The following KLF13 variants were observed in gnomAD, a reference collection of about 807,000 sequenced individuals.
KLF13 encodes KLF transcription factor 13.
KLF13 carries 8 observed loss-of-function variants against 16.7 expected under a neutral mutation model. That is an observed-to-expected ratio of 0.48 (90% CI 0.28 to 0.87). The LOEUF is 0.87. Among genes scored for constraint, KLF13 ranks in the 40% least tolerant of loss-of-function variants. The probability of loss-of-function intolerance (pLI) is 0.10; values close to 1 mark genes in which losing one functional copy is unlikely to be tolerated. For synonymous variants in KLF13, 245 were observed against 208.4 expected (o/e 1.18, Z -1.51); for missense variants, 447 against 452.2 (o/e 0.99, Z 0.10).
chr15:31,360,281 C>T (rs1293189413), intron 1 of KLF13, among the ~76,000 whole-genome samples: 1 of 152,222 alleles, frequency 6.6e-6, no homozygotes, highest in Non-Finnish European at 1.5e-5. Flanking sequence ...GCGGGCAGGC[C>T]TGTGCCGGGA....
intron 1 of KLF13, among the ~76,000 whole-genome samples, chr15:31,357,232 G>A (rs965933841): frequency 2.0e-5 from 3 of 152,130 alleles, no homozygotes; most frequent in Non-Finnish European, 2.9e-5. Context: ...TCTTGTTTCC[G>A]CCAGGCCGTC....
intron 2 of KLF13, among the ~76,000 whole-genome samples, chr15:31,396,110 C>CAT (rs2039949034): frequency 6.6e-6 from 1 of 152,184 alleles, no homozygotes; most frequent in Non-Finnish European, 1.5e-5. Context: ...AATGCAACCT[C>CAT]CGTCTCCTGG....
chr15:31,339,794 T>C (rs2038990942), intron 1 of KLF13: 1 of 612,102 alleles, frequency 1.6e-6, no homozygotes, highest in Non-Finnish European at 2.9e-6. Flanking sequence ...CTGGGCTGGC[T>C]GCGCCCAGTG....
At chr15:31,352,007 G>A (rs1384285803) in intron 1 of KLF13, among the ~76,000 whole-genome samples, 4 of 150,792 alleles carry the variant, frequency 2.7e-5, no homozygotes, top group Admixed American at 6.6e-5. Context: ...GTGAGACTCC[G>A]TGTCAAAAAA....
chr15:31,348,097 T>C (rs2039154456), intron 1 of KLF13, among the ~76,000 whole-genome samples: 1 of 152,204 alleles, frequency 6.6e-6, no homozygotes, highest in Non-Finnish European at 1.5e-5. Context: ...ACCCCAGGTG[T>C]TCTTGCTGGT....
chr15:31,366,299 T>G (rs2140961573), intron 1 of KLF13: 1 of 151,578 alleles, frequency 6.6e-6, no homozygotes, highest in East Asian at 2.0e-4. Context: ...CCAGGGCACC[T>G]AGTGCCCCTC....
chr15:31,343,827 G>T (rs1258112759), intron 1 of KLF13, among the ~76,000 whole-genome samples: 1 of 152,192 alleles, frequency 6.6e-6, no homozygotes. Context: ...CCTTGGAGAG[G>T]TCTGAGGCTC....
At chr15:31,432,876 A>G (rs937721617) in intron 1 of KLF13, among the ~76,000 whole-genome samples, 1 of 152,062 alleles carries the variant, frequency 6.6e-6, no homozygotes, top group African/African-American at 2.4e-5. Flanking sequence ...ACACTTTGGG[A>G]GGCCGAGGCA....
intron 1 of KLF13, among the ~76,000 whole-genome samples, chr15:31,341,309 G>A (rs1234248633): frequency 6.6e-6 from 1 of 152,118 alleles, no homozygotes; most frequent in East Asian, 1.9e-4. Context: ...GAATGTGGGT[G>A]AGGCACCCAG....
intron 1 of KLF13, among the ~76,000 whole-genome samples, chr15:31,337,993 G>A (rs1043110956): frequency 6.6e-6 from 1 of 151,622 alleles, no homozygotes; most frequent in Admixed American, 6.6e-5. Flanking sequence ...TAGAGCTGCT[G>A]TGTTGGCGAG....
intron 1 of KLF13, among the ~76,000 whole-genome samples, chr15:31,369,376 T>C (rs2039522451): frequency 6.6e-6 from 1 of 152,210 alleles, no homozygotes; most frequent in African/African-American, 2.4e-5. Context: ...CACCACCTCA[T>C]GGAGTTGTTG....
intron 1 of KLF13, among the ~76,000 whole-genome samples, chr15:31,383,273 A>C (rs1051024872): frequency 4.6e-5 from 7 of 152,362 alleles, no homozygotes; most frequent in Admixed American, 3.9e-4. Flanking sequence ...GGGGCGGAAC[A>C]TGCTCAGAGC....
intron 1 of KLF13, among the ~76,000 whole-genome samples, chr15:31,351,815 C>T (rs1044264298): frequency 6.6e-6 from 1 of 152,150 alleles, no homozygotes; most frequent in Non-Finnish European, 1.5e-5. Context: ...TTCAAGACTA[C>T]TGGCCTGGCC....
chr15:31,328,536 C>T (rs1164930189), intron 1 of KLF13, among the ~76,000 whole-genome samples: 1 of 151,946 alleles, frequency 6.6e-6, no homozygotes, highest in Non-Finnish European at 1.5e-5. Flanking sequence ...AAAGGAATGC[C>T]CTGGCCGCTG....
intron 1 of KLF13, chr15:31,339,816 G>GC (rs940255556): frequency 8.7e-5 from 55 of 630,430 alleles, no homozygotes; most frequent in Non-Finnish European, 1.5e-4. Context: ...ATGTCCTCCC[G>GC]CCCCCCGCCT....
At chr15:31,392,019 C>CA (rs1306417559), upstream of KLF13, among the ~76,000 whole-genome samples, 4 of 152,028 alleles carry the variant, frequency 2.6e-5, no homozygotes, top group Admixed American at 2.0e-4. Context: ...CCGGCCGGGC[C>CA]ATTCACTGCC....
At chr15:31,342,883 G>A (rs1235608458) in intron 1 of KLF13, among the ~76,000 whole-genome samples, 1 of 152,196 alleles carries the variant, frequency 6.6e-6, no homozygotes. Context: ...GTTGTATAGA[G>A]GCGCTTCCTG....
chr15:31,371,757 C>T (rs1161654518), intron 1 of KLF13, among the ~76,000 whole-genome samples: 2 of 152,224 alleles, frequency 1.3e-5, no homozygotes, highest in Admixed American at 6.5e-5. Context: ...TACCCATGGG[C>T]CCTGCAGCTT....
chr15:31,378,851 C>T (rs2140973707), downstream of KLF13, among the ~76,000 whole-genome samples: 1 of 152,306 alleles, frequency 6.6e-6, no homozygotes, highest in South Asian at 2.1e-4. Context: ...TCCTGAGTAG[C>T]TGGGATTACA....
Sources: gnomAD v4.1 joint callset for allele counts (sites outside exome capture counted in the v4.1 genomes callset) on GRCh38, gnomAD v4.1.1 for gene constraint, MANE v1.5 for transcripts, NCBI Gene and HGNC (gene_info 2026-07-23, HGNC 2026-07-21) for gene names.